CDH18: variants seen among roughly 807,000 people sequenced by gnomAD.
CDH18 encodes cadherin 18.
CDH18 carries 31 observed loss-of-function variants against 67.9 expected under a neutral mutation model. The ratio of observed to expected loss-of-function variants is 0.46; its 90% CI spans 0.34 to 0.62. The LOEUF is 0.62. Ranked by LOEUF, CDH18 falls within the 20% of genes least tolerant of loss-of-function variation. The pLI is 0.01. For missense variants in CDH18, 890 were observed against 975.5 expected, an observed-to-expected ratio of 0.91 and a Z score of 1.17; for synonymous variants, 362 against 347.2, an observed-to-expected ratio of 1.04 and a Z score of -0.48.
chr5:20,564,283 T>TATTTATTC (rs1758380431), intron 1 of CDH18, among the ~76,000 whole-genome samples: 1 of 150,812 alleles, frequency 6.6e-6, no homozygotes. Flanking sequence ...TTTATTTATT[T>TATTTATTC]ATTTATTTAT....
intron 11 of CDH18, among the ~76,000 whole-genome samples, chr5:19,491,810 C>A (rs1382336053): frequency 4.7e-5 from 7 of 148,656 alleles, no homozygotes; most frequent in African/African-American, 1.5e-4. Context: ...CAAAAAAAAA[C>A]AAGTAATAAA....
At chr5:19,755,398 G>A (rs2149683250) in intron 3 of CDH18, among the ~76,000 whole-genome samples, 1 of 131,300 alleles carries the variant, frequency 7.6e-6, no homozygotes, top group South Asian at 2.5e-4. Flanking sequence ...GTATTAGTCA[G>A]TGTTCTCTAG....
intron 2 of CDH18, among the ~76,000 whole-genome samples, chr5:19,949,303 A>G (rs1456107820): frequency 6.6e-6 from 1 of 152,158 alleles, no homozygotes; most frequent in Non-Finnish European, 1.5e-5. Context: ...GTTTTATAAC[A>G]GAAACCCATC....
intron 3 of CDH18, among the ~76,000 whole-genome samples, chr5:19,814,314 T>C (rs1779061181): frequency 6.6e-6 from 1 of 152,042 alleles, no homozygotes; most frequent in African/African-American, 2.4e-5. Context: ...CAATAGATAA[T>C]ACTATTGGTT....
At chr5:20,305,515 G>A in intron 1 of CDH18, 9 of 957,232 alleles carry the variant, frequency 9.4e-6, no homozygotes, top group South Asian at 6.4e-5. Flanking sequence ...AACCCGGGGC[G>A]CAGCGGCGCA....
chr5:20,304,341 T>C (rs1459761052), intron 1 of CDH18: 21 of 1,528,364 alleles, frequency 1.4e-5, no homozygotes, highest in Non-Finnish European at 1.9e-5. Flanking sequence ...TTAAATTCAT[T>C]ATCTTTCTTG....
intron 9 of CDH18, among the ~76,000 whole-genome samples, chr5:19,537,578 T>G (rs1486421792): frequency 6.6e-6 from 1 of 152,040 alleles, no homozygotes; most frequent in Non-Finnish European, 1.5e-5. Context: ...CAACCTTTAC[T>G]CATCCCTCAC....
intron 2 of CDH18, among the ~76,000 whole-genome samples, chr5:20,197,710 T>G (rs183332736): frequency 1.0e-3 from 155 of 152,314 alleles, no homozygotes; most frequent in African/African-American, 3.6e-3. Context: ...TATGACTGTT[T>G]AGAGAGCATT....
chr5:19,601,411 A>G (rs1178658419), intron 6 of CDH18, among the ~76,000 whole-genome samples: 1 of 152,308 alleles, frequency 6.6e-6, no homozygotes, highest in Non-Finnish European at 1.5e-5. Flanking sequence ...TTAGGAAGAA[A>G]TGAAAATTCT....
At chr5:19,640,026 C>T (rs1753787181) in intron 5 of CDH18, among the ~76,000 whole-genome samples, 1 of 152,100 alleles carries the variant, frequency 6.6e-6, no homozygotes, top group Non-Finnish European at 1.5e-5. Flanking sequence ...GAGAAATTAT[C>T]TTTTAAATGG....
chr5:20,033,562 G>A (rs1739582990), intron 2 of CDH18, among the ~76,000 whole-genome samples: 1 of 152,072 alleles, frequency 6.6e-6, no homozygotes, highest in Non-Finnish European at 1.5e-5. Context: ...TAATGTGGCT[G>A]TAGTGATCAT....
chr5:19,859,989 G>GGGGTGTGTGTGTGT lies in CDH18; in HGVS notation c.-256-20748_-256-20747insACACACACACACCC, dbSNP rs143069229. On this transcript the variant is annotated intron_variant, in intron 2 of 12. Coordinates refer to ENST00000382275, the MANE Select transcript of CDH18 (RefSeq NM_004934.5). ...CTTATTAATTTACTTGTTTGCTTTG[G>GGGGTGTGTGTGTGT]GTGTGTGTGTGTGTGTGTGTGTGTG... Among the ~76,000 whole-genome samples the GGGGTGTGTGTGTGT allele has an allele frequency of 9.9e-3, 1,419 of 143,222 alleles. 27 individuals carry two copies. Among genetic ancestry groups the GGGGTGTGTGTGTGT allele is most frequent in the African/African-American group, 0.035 (1,331 of 38,398 alleles). 94.0% of individuals were successfully genotyped at this position (143,222 alleles called of 152,430 possible).
chr5:19,820,355 G>C (rs960757536), intron 3 of CDH18, among the ~76,000 whole-genome samples: 1 of 152,118 alleles, frequency 6.6e-6, no homozygotes, highest in Non-Finnish European at 1.5e-5. Flanking sequence ...AACAGAGGGA[G>C]AAACCAACAG....
At chr5:20,550,476 T>C (rs1757571513) in intron 1 of CDH18, among the ~76,000 whole-genome samples, 1 of 152,166 alleles carries the variant, frequency 6.6e-6, no homozygotes, top group African/African-American at 2.4e-5. Flanking sequence ...AATAGAACTT[T>C]TCTTCTCTAA....
chr5:19,852,503 G>C (rs1783820286), intron 2 of CDH18, among the ~76,000 whole-genome samples: 1 of 151,968 alleles, frequency 6.6e-6, no homozygotes, highest in Non-Finnish European at 1.5e-5. Flanking sequence ...ATTTATATGT[G>C]TGCATGTACA....
intron 2 of CDH18, among the ~76,000 whole-genome samples, chr5:19,919,533 AGTTG>A (rs1293456928): frequency 6.6e-6 from 1 of 152,192 alleles, no homozygotes; most frequent in Non-Finnish European, 1.5e-5. Flanking sequence ...TGGAACATCC[AGTTG>A]ATGTTTGCAA....
chr5:20,343,556 C>G (rs916938215), intron 1 of CDH18, among the ~76,000 whole-genome samples: 8 of 152,090 alleles, frequency 5.3e-5, no homozygotes, highest in African/African-American at 1.9e-4. Context: ...ATTCTCTTTA[C>G]AGATGGAAGT....
chr5:20,146,934 C>A lies in CDH18; in HGVS notation c.-518+108510G>T, dbSNP rs111422966. Among the ~76,000 whole-genome samples the A allele has an allele frequency of 2.2e-3, 340 of 152,102 alleles. 1 individual carries two copies. Among genetic ancestry groups the A allele is most frequent in the African/African-American group, 7.6e-3 (317 of 41,560 alleles). On this transcript the variant is annotated intron_variant, in intron 2 of 14. Transcript: ENST00000507958. Reference sequence around the variant, plus strand: ...ATTTATTTACTACTACTTTTCTTGACCTCTTTGAGGAAAAATTGCAAATTA... The same window carrying A: ...ATTTATTTACTACTACTTTTCTTGAACTCTTTGAGGAAAAATTGCAAATTA...
intron 1 of CDH18, among the ~76,000 whole-genome samples, chr5:20,328,956 G>T (rs1294609152): frequency 8.4e-6 from 1 of 119,110 alleles, no homozygotes; most frequent in Non-Finnish European, 2.1e-5. Flanking sequence ...CAGCTCCCCT[G>T]GGTTACAGAG....
Sources: allele counts gnomAD v4.1 joint callset (sites outside exome capture counted in the v4.1 genomes callset), GRCh38; gene constraint gnomAD v4.1.1; transcripts MANE v1.5; gene names NCBI Gene and HGNC (gene_info 2026-07-23, HGNC 2026-07-21).